SIRPB1: variants seen among roughly 807,000 people sequenced by gnomAD.
SIRPB1 encodes signal regulatory protein beta 1, also known as signal-regulatory protein beta-1.
A neutral mutation model predicts 34.1 loss-of-function variants in SIRPB1; 28 were observed. The observed-to-expected ratio is 0.82, with a 90% CI of 0.61 to 1.12. The LOEUF (loss-of-function observed/expected upper bound fraction) is 1.12, where lower values mean the gene tolerates loss of function less well. Ranked by LOEUF, SIRPB1 falls within the 50% of genes most tolerant of loss-of-function variation. The probability of loss-of-function intolerance (pLI) is 0.00; values close to 1 mark genes in which losing one functional copy is unlikely to be tolerated. For missense variants in SIRPB1, 499 were observed against 507.0 expected (o/e 0.98, Z 0.15); for synonymous variants, 211 against 203.8 (o/e 1.04, Z -0.30).
At position 1,564,840 on chromosome 20, in the gene SIRPB1, T is replaced by A; in HGVS notation, c.*660A>T. ...CATCTCATGTAAGTGGACACATGCA[T>A]TTTGGAGGCAGAACTGAATATGAGT... On this transcript the variant is annotated 3_prime_UTR_variant, in exon 6 of 6. Transcript: ENST00000381605. 1 of 398,458 alleles carries A rather than the reference T, an allele frequency of 2.5e-6. No homozygotes were observed. The highest frequency in any genetic ancestry group is 3.6e-5 in the East Asian group (1 of 28,074). 24.7% of individuals were successfully genotyped at this position (398,458 alleles called of 1,614,324 possible).
Position 1,599,163 on chromosome 20 carries a change from C to T in SIRPB1, c.77-20469G>A, listed in dbSNP as rs1027717413. Among the ~76,000 whole-genome samples the T allele has an allele frequency of 5.3e-4, 26 of 49,486 alleles. 13 individuals are homozygous for T. Among genetic ancestry groups the T allele is most frequent in the Non-Finnish European group, 1.0e-3 (26 of 25,482 alleles). 32.5% of individuals were successfully genotyped at this position (49,486 alleles called of 152,430 possible). A position where few individuals can be genotyped will look rare whatever the true frequency, so the allele number is the denominator to read the frequency against. On this transcript the variant is annotated intron_variant, in intron 1 of 5. Coordinates refer to ENST00000381605, the MANE Select transcript of SIRPB1 (RefSeq NM_006065.5). Reference sequence around the variant, plus strand: ...CTGCCAGGTTGTCCTCCCGGAGGGACGAAGTGGAGAGAATGTGTACTCATG... The same window carrying T: ...CTGCCAGGTTGTCCTCCCGGAGGGATGAAGTGGAGAGAATGTGTACTCATG...
Position 1,577,962 on chromosome 20 carries a change from T to C in SIRPB1, c.433+376A>G, listed in dbSNP as rs1034390581. ...ACTGCCTGTTGCATAAAGAAGGGAC[T>C]TGGCCACCCTGAGGGGGAAGCATTC... On this transcript the variant is annotated intron_variant, in intron 2 of 5. Coordinates refer to ENST00000381605, the MANE Select transcript of SIRPB1 (RefSeq NM_006065.5). Among the ~76,000 whole-genome samples, 5 of 147,324 alleles carry C rather than the reference T, an allele frequency of 3.4e-5. 1 individual carries two copies. Among genetic ancestry groups the C allele is most frequent in the Non-Finnish European group, 7.6e-5 (5 of 65,810 alleles).
chr20:1,603,073 G>A lies in SIRPB1; in HGVS notation c.76+16796C>T. On this transcript the variant is annotated intron_variant, in intron 1 of 5. Transcript: ENST00000381605. Reference sequence around the variant, plus strand: ...TGCATTATAGGCTGGTAGTGACCCTGTCCTCAGGACCTCAGACTTACCTTA... The same window carrying A: ...TGCATTATAGGCTGGTAGTGACCCTATCCTCAGGACCTCAGACTTACCTTA... 2 of 144,984 alleles carry A rather than the reference G, an allele frequency of 1.4e-5. 1 individual carries two copies. Among genetic ancestry groups the A allele is most frequent in the Admixed American group, 9.9e-5 (2 of 20,228 alleles). The allele number at this position is 144,984 out of a possible 1,614,324, so 9.0% of individuals were successfully genotyped here.
chr20:1,609,911 C>T lies in SIRPB1; in HGVS notation c.76+9958G>A, dbSNP rs2091548041. 2.7e-5 allele frequency among the ~76,000 whole-genome samples: 2 copies of T among 73,110 alleles called. 1 individual carries two copies. The highest frequency in any genetic ancestry group is 5.2e-5 in the Non-Finnish European group (2 of 38,826). 48.0% of individuals were successfully genotyped at this position (73,110 alleles called of 152,430 possible). On this transcript the variant is annotated intron_variant, in intron 1 of 5. Transcript: ENST00000381605. Reference sequence around the variant, plus strand: ...TAGGAACGCCACTTCCAGTGGGTGTCTCCCGCCTGAGTAGGGTGACACATG... The same window carrying T: ...TAGGAACGCCACTTCCAGTGGGTGTTTCCCGCCTGAGTAGGGTGACACATG...
intron 4 of SIRPB1, among the ~76,000 whole-genome samples, chr20:1,568,954 A>T (rs1226100749): frequency 6.6e-6 from 1 of 152,218 alleles, no homozygotes. Context: ...TGACTGATGA[A>T]AAAGAAAAGA....
chr20:1,573,635 C>T (rs2091272810), intron 2 of SIRPB1, among the ~76,000 whole-genome samples: 1 of 144,842 alleles, frequency 6.9e-6, no homozygotes, highest in South Asian at 2.2e-4. Flanking sequence ...TCTTCAGTTC[C>T]GATTTTTTGA....
chr20:1,576,352 T>G (rs1412165890), intron 2 of SIRPB1, among the ~76,000 whole-genome samples: 1 of 147,946 alleles, frequency 6.8e-6, no homozygotes, highest in East Asian at 1.9e-4. Context: ...TTTTAGGCTT[T>G]ACATATACAC....
At position 1,578,687 on chromosome 20, in the gene SIRPB1, T is replaced by A. The variant is rs567138961; in HGVS notation, c.84A>T (p.Ala28=). ...TLLLGRLTGV[A]GEDELQVIQP... ...GAATCACCTGTAGCTCGTCCTCACC[T>A]GCCACTCCTGGAAAGGAGCACAAAG... The change falls in exon 2 of 6, where the codon GCA becomes GCT. Residue 28 remains alanine (A), a synonymous_variant. Coordinates refer to ENST00000381605, the MANE Select transcript of SIRPB1 (RefSeq NM_006065.5). 1 of 1,570,824 alleles carries A rather than the reference T, an allele frequency of 6.4e-7. No individual in the cohort carries two copies.
At chr20:1,566,295 TGAGAG>T in intron 4 of SIRPB1, 28 bp from the exon 5 acceptor site, 12 of 1,459,856 alleles carry the variant, frequency 8.2e-6, no homozygotes, top group Non-Finnish European at 1.1e-5. Context: ...GGAGGAGCCA[TGAGAG>T]GGGCCACCTG....
rs1240984404 is a variant in SIRPB1, at chr20:1,612,357, C to T, written c.76+7512G>A. 6.9e-5 allele frequency among the ~76,000 whole-genome samples: 5 copies of T among 72,708 alleles called. 2 individuals carry two copies. Among genetic ancestry groups the T allele is most frequent in the Non-Finnish European group, 1.0e-4 (4 of 38,694 alleles). 47.7% of individuals were successfully genotyped at this position (72,708 alleles called of 152,430 possible). Reference sequence around the variant, plus strand: ...ACCTGAGTAGAACTCTTGAGCCCTCCTTGGAAGTGCCATGTTTTGCTAAAT... The same window carrying T: ...ACCTGAGTAGAACTCTTGAGCCCTCTTTGGAAGTGCCATGTTTTGCTAAAT... On this transcript the variant is annotated intron_variant, in intron 1 of 5. Coordinates refer to ENST00000381605, the MANE Select transcript of SIRPB1 (RefSeq NM_006065.5).
intron 1 of SIRPB1, among the ~76,000 whole-genome samples, chr20:1,618,038 T>C (rs1232606183): frequency 6.6e-6 from 1 of 152,184 alleles, no homozygotes; most frequent in Non-Finnish European, 1.5e-5. Context: ...CACACACATA[T>C]ACATTCACAA....
rs1429782429 is a variant in SIRPB1 at position 1,578,953 on chromosome 20, T to C, written c.77-259A>G. On this transcript the variant is annotated intron_variant, in intron 1 of 5. Coordinates refer to ENST00000381605, the MANE Select transcript of SIRPB1 (RefSeq NM_006065.5). ...TCTGTTCTTTCTGTTTGCTTTCTTT[T>C]CTTTTCTTTTTTGAGACGGGGTCTT... Among the ~76,000 whole-genome samples, 2 of 148,192 alleles carry C rather than the reference T, an allele frequency of 1.3e-5. 1 individual carries two copies. The highest frequency in any genetic ancestry group is 3.0e-5 in the Non-Finnish European group (2 of 66,172).
intron 1 of SIRPB1, among the ~76,000 whole-genome samples, chr20:1,595,093 C>A (rs1156867685): frequency 2.1e-5 from 1 of 48,008 alleles, no homozygotes; most frequent in Non-Finnish European, 4.0e-5. Context: ...CATGGTGCAG[C>A]CATGGCCTCT....
rs572577744 is a variant in SIRPB1 at position 1,616,218 on chromosome 20, C to T, written c.76+3651G>A. ...TTTCCTCAGAAATGGACAAAACAAT[C>T]CTCAAGTTCACATTAGTCATAGAAA... On this transcript the variant is annotated intron_variant, in intron 1 of 5. Coordinates refer to ENST00000381605, the MANE Select transcript of SIRPB1 (RefSeq NM_006065.5). Among the ~76,000 whole-genome samples, 190 of 152,254 alleles carry T rather than the reference C, an allele frequency of 1.2e-3. 3 individuals carry two copies. The Middle Eastern group carries it at 0.014, about 11-fold the overall frequency.
Position 1,570,845 on chromosome 20 carries a change from G to C in SIRPB1, c.1044C>G (p.Ile348Met). Residue 348 changes from isoleucine (I) to methionine (M), a missense_variant, in exon 4 of 6, where the codon ATC (isoleucine) becomes ATG (methionine). By Grantham distance (10) the Ile-to-Met change is conservative. Coordinates refer to ENST00000381605, the MANE Select transcript of SIRPB1 (RefSeq NM_006065.5). Reference protein sequence around the residue: ...QAVSKSYALEISAHQKEHGSD... With the variant: ...QAVSKSYALEMSAHQKEHGSD... ...AGCCGTGCTCCTTCTGGTGCGCTGA[G>C]ATCTCCAGGGCATAGCTTTTGCTGA... The C allele has an allele frequency of 6.2e-7, 1 of 1,614,166 alleles. No individual in the cohort carries two copies. The highest frequency in any genetic ancestry group is 8.5e-7 in the Non-Finnish European group (1 of 1,180,016).
rs374659553 is a variant in SIRPB1, at chr20:1,619,995, C to A, written c.-51G>T. On this transcript the variant is annotated 5_prime_UTR_variant, in exon 1 of 6. Coordinates refer to ENST00000381605, the MANE Select transcript of SIRPB1 (RefSeq NM_006065.5). Reference sequence around the variant, plus strand: ...GTCCAAACGTCTGTGCTGGGAAGATCGCAGACTCTGCTCTGAGGAGAGAAG... The same window carrying A: ...GTCCAAACGTCTGTGCTGGGAAGATAGCAGACTCTGCTCTGAGGAGAGAAG... 1 of 1,552,984 alleles carries A rather than the reference C, an allele frequency of 6.4e-7. No homozygotes were observed. Among genetic ancestry groups the A allele is most frequent in the Admixed American group, 2.0e-5 (1 of 50,342 alleles).
chr20:1,590,918 C>T lies in SIRPB1; in HGVS notation c.77-12224G>A, dbSNP rs1240607892. On this transcript the variant is annotated intron_variant, in intron 1 of 5. Coordinates refer to ENST00000381605, the MANE Select transcript of SIRPB1 (RefSeq NM_006065.5). ...AAAAACAATAACTCAAAAACAAGAA[C>T]AGCAATCAAGAGGACTTCACAACTG... Among the ~76,000 whole-genome samples the T allele has an allele frequency of 8.1e-5, 4 of 49,164 alleles. 2 individuals are homozygous for T. The highest frequency in any genetic ancestry group is 1.6e-4 in the Non-Finnish European group (4 of 25,490). The allele number at this position is 49,164 out of a possible 152,430, so 32.3% of individuals were successfully genotyped here.
chr20:1,615,458 G>A (rs1468707524), intron 1 of SIRPB1, among the ~76,000 whole-genome samples: 3 of 152,162 alleles, frequency 2.0e-5, no homozygotes, highest in Admixed American at 6.5e-5. Flanking sequence ...CTGAAATGGA[G>A]CCCACTGGAA....
In SIRPB1 at chr20:1,578,441, G is replaced by A. The variant is rs771364062; in HGVS notation, c.330C>T (p.Ile110=). 22 of 1,584,794 alleles carry A rather than the reference G, an allele frequency of 1.4e-5. 3 individuals are homozygous for A. The highest frequency in any genetic ancestry group is 1.8e-5 in the Non-Finnish European group (21 of 1,158,390). ...AGTAGGTGCCGGCGTCTGCTGGGGT[G>A]ATGTTACTGATGCTGATGGAAAAGT... ...NLDFSISISN[I]TPADAGTYYC... Residue 110 remains isoleucine, a synonymous_variant, in exon 2 of 6, where the codon ATC becomes ATT. Transcript: ENST00000381605.
Sources: gnomAD v4.1 joint callset for allele counts (sites outside exome capture counted in the v4.1 genomes callset) on GRCh38, gnomAD v4.1.1 for gene constraint, MANE v1.5 for transcripts, NCBI Gene and HGNC (gene_info 2026-07-23, HGNC 2026-07-21) for gene names.